The following ADGB variants were observed in gnomAD, a reference collection of about 807,000 sequenced individuals.
The protein encoded by ADGB is androglobin.
In ADGB, 172 loss-of-function variants were observed where a neutral mutation model predicts 210.5. The ratio of observed to expected loss-of-function variants is 0.82; its 90% CI spans 0.72 to 0.93. ADGB has a LOEUF of 0.93. ADGB is among the 40% of genes least tolerant of loss of function. The probability of loss-of-function intolerance (pLI) is 0.00; values close to 1 mark genes in which losing one functional copy is unlikely to be tolerated. For missense variants in ADGB, 2,025 were observed against 1,964.8 expected, an observed-to-expected ratio of 1.03 and a Z score of -0.58; for synonymous variants, 658 against 662.7, an observed-to-expected ratio of 0.99 and a Z score of 0.11.
chr6:146,684,139 C>CCTCACT (rs1438568907), intron 9 of ADGB, among the ~76,000 whole-genome samples: 12 of 151,976 alleles, frequency 7.9e-5, no homozygotes, highest in Non-Finnish European at 1.8e-4. Flanking sequence ...AGAGAGGAAC[C>CCTCACT]CTCACTCTTC....
At chr6:146,685,627 C>G in intron 9 of ADGB, 107 bp from the exon 10 acceptor site, 2 of 513,728 alleles carry the variant, frequency 3.9e-6, no homozygotes, top group Middle Eastern at 5.3e-4. Context: ...GTATTTTTCA[C>G]CAGCCCGAAG....
intron 8 of ADGB, among the ~76,000 whole-genome samples, chr6:146,674,356 G>GTT (rs893865960): frequency 6.8e-6 from 1 of 147,916 alleles, no homozygotes; most frequent in Non-Finnish European, 1.5e-5. Context: ...AGGAAAATTG[G>GTT]TTTTTTTTTT....
chr6:146,677,704 G>T (rs1431740988), intron 9 of ADGB, among the ~76,000 whole-genome samples: 1 of 152,150 alleles, frequency 6.6e-6, no homozygotes, highest in Non-Finnish European at 1.5e-5. Flanking sequence ...TACAGTTAAG[G>T]TCATTCCAAC....
chr6:146,684,958 G>T (rs2114915534), intron 9 of ADGB, among the ~76,000 whole-genome samples: 1 of 152,092 alleles, frequency 6.6e-6, no homozygotes, highest in South Asian at 2.1e-4. Flanking sequence ...GACATATACT[G>T]GGCTGACAAC....
Position 146,685,796 on chromosome 6 carries a change from T to G in ADGB, c.1279T>G (p.Phe427Val). Reference sequence around the variant, plus strand: ...TGCGACATTTACACCTCTTTATTTGTTTGAAAACAAGATCTTTTCATTAGA... The same window carrying G: ...TGCGACATTTACACCTCTTTATTTGGTTGAAAACAAGATCTTTTCATTAGA... ...VYATFTPLYL[F>V]ENKIFSLEKM... The change falls in exon 10 of 36, where the codon TTT (phenylalanine) becomes GTT (valine). Residue 427 changes from phenylalanine to valine, a missense_variant. By Grantham distance (50) the Phe-to-Val change is conservative. Coordinates refer to ENST00000397944, the MANE Select transcript of ADGB (RefSeq NM_024694.4). The G allele has an allele frequency of 6.5e-7, 1 of 1,540,754 alleles. No homozygotes were observed. Among genetic ancestry groups the G allele is most frequent in the Admixed American group, 2.0e-5 (1 of 49,244 alleles).
In ADGB at chr6:146,685,808, A is replaced by T. The variant is rs1389839245; in HGVS notation, c.1291A>T (p.Ile431Phe). 2.7e-5 allele frequency: 41 copies of T among 1,536,284 alleles called. No homozygotes were observed. Among genetic ancestry groups the T allele is most frequent in the Non-Finnish European group, 3.5e-5 (40 of 1,139,428 alleles). Residue 431 changes from isoleucine (I) to phenylalanine (F), a missense_variant, in exon 10 of 36, where the codon ATC (isoleucine) becomes TTC (phenylalanine). Ile to Phe is a conservative substitution (Grantham distance 21, BLOSUM62 0). Coordinates refer to ENST00000397944, the MANE Select transcript of ADGB (RefSeq NM_024694.4). ...FTPLYLFENK[I>F]FSLEKMADSA... ...ACCTCTTTATTTGTTTGAAAACAAG[A>T]TCTTTTCATTAGAGAAGATGGTAAG...
At chr6:146,737,428 G>A in intron 23 of ADGB, among the ~76,000 whole-genome samples, 1 of 152,106 alleles carries the variant, frequency 6.6e-6, no homozygotes, top group East Asian at 1.9e-4. Flanking sequence ...GGGACTTGTG[G>A]GGTATTCTCA....
intron 35 of ADGB, among the ~76,000 whole-genome samples, chr6:146,805,586 G>T (rs991223936): frequency 3.9e-5 from 6 of 152,150 alleles, no homozygotes; most frequent in Non-Finnish European, 7.4e-5. Flanking sequence ...TTTCCTCTCT[G>T]ATCTTTTTAT....
intron 12 of ADGB, among the ~76,000 whole-genome samples, chr6:146,696,086 T>A (rs1776398005): frequency 2.0e-5 from 3 of 152,054 alleles, no homozygotes; most frequent in Admixed American, 2.0e-4. Flanking sequence ...ACTTTTTTTT[T>A]TTTTTCCCGA....
rs768612423 is a variant in ADGB, at chr6:146,666,855, G to A, written c.792G>A (p.Thr264=). ...VADRRELGEF[T]VIHALTGWLP... is the part of the protein sequence containing the mutation. ...ACAGGAGAGAGCTGGGGGAGTTCACGGTTATTCATGCGCTCACAGGATGGT... is the reference window on the plus strand; with the variant it reads ...ACAGGAGAGAGCTGGGGGAGTTCACAGTTATTCATGCGCTCACAGGATGGT... The change falls in exon 7 of 36, where the codon ACG becomes ACA. Residue 264 remains threonine (T), a synonymous_variant. Coordinates refer to ENST00000397944, the MANE Select transcript of ADGB (RefSeq NM_024694.4). 6.5e-6 allele frequency: 10 copies of A among 1,547,846 alleles called. No homozygotes were observed. Among genetic ancestry groups the A allele is most frequent in the African/African-American group, 1.4e-5 (1 of 72,862 alleles).
At chr6:146,620,390 C>T (rs927616776) in intron 1 of ADGB, among the ~76,000 whole-genome samples, 2 of 151,862 alleles carry the variant, frequency 1.3e-5, no homozygotes, top group Admixed American at 6.6e-5. Flanking sequence ...TTCTTGTTTC[C>T]TTCAGAAATT....
Position 146,628,752 on chromosome 6 carries a change from C to T in ADGB, c.75-6623C>T, listed in dbSNP as rs186610644. ...TCGAGGCATGTCAGATGCTATTTTC[C>T]GTAAGAAGTTTCTCTGAATTGCCTC... On this transcript the variant is annotated intron_variant, in intron 1 of 35. Transcript: ENST00000397944. 3.7e-4 allele frequency among the ~76,000 whole-genome samples: 56 copies of T among 151,910 alleles called. 1 individual carries two copies. In the East Asian group the frequency reaches 9.3e-3, roughly 25 times the overall value.
At chr6:146,801,759 T>A in intron 34 of ADGB, 69 bp from the exon 35 acceptor site, 3 of 1,299,198 alleles carry the variant, frequency 2.3e-6, no homozygotes, top group Non-Finnish European at 3.1e-6. Context: ...AATTATTTGA[T>A]GTCTAAAGTG....
chr6:146,800,510 T>C (rs930499339), intron 33 of ADGB, among the ~76,000 whole-genome samples: 4 of 149,048 alleles, frequency 2.7e-5, no homozygotes, highest in African/African-American at 1.0e-4. Context: ...GAATTTTATA[T>C]GTGTAAATTA....
intron 15 of ADGB, 57 bp downstream of exon 15, chr6:146,717,126 C>T (rs1457740346): frequency 3.0e-6 from 4 of 1,326,450 alleles, no homozygotes; most frequent in Non-Finnish European, 4.1e-6. Flanking sequence ...CCCTGAGCTG[C>T]ATTAGTATAC....
rs186939956 is a variant in ADGB, at chr6:146,615,149, C to T, written c.74+16035C>T. Among the ~76,000 whole-genome samples the T allele has an allele frequency of 3.3e-5, 5 of 152,010 alleles. No individual in the cohort carries two copies. In the East Asian group the frequency reaches 9.7e-4, roughly 29 times the overall value. On this transcript the variant is annotated intron_variant, in intron 1 of 35. Coordinates refer to ENST00000397944, the MANE Select transcript of ADGB (RefSeq NM_024694.4). ...TCTCGATCTCCTGACCTCGTGATCC[C>T]CCTGCCTTGGCCTCCCAAATTGCTG...
At chr6:146,725,927 G>A (rs1001424147) in intron 18 of ADGB, 156 bp from the exon 19 acceptor site, 3 of 524,874 alleles carry the variant, frequency 5.7e-6, no homozygotes, top group Non-Finnish European at 1.0e-5. Context: ...CTTATAGAGT[G>A]CAAATTCAAA....
chr6:146,688,389 T>G (rs1776261254), intron 10 of ADGB, among the ~76,000 whole-genome samples: 1 of 152,120 alleles, frequency 6.6e-6, no homozygotes, highest in Admixed American at 6.6e-5. Context: ...AGCTGAGATC[T>G]TAAAGAAGTT....
At chr6:146,700,468 A>G (rs1776474859) in intron 12 of ADGB, among the ~76,000 whole-genome samples, 1 of 152,300 alleles carries the variant, frequency 6.6e-6, no homozygotes, top group South Asian at 2.1e-4. Flanking sequence ...AATTCTAGCG[A>G]TGGCAAGGGC....
Sources: gnomAD v4.1 joint callset for allele counts (sites outside exome capture counted in the v4.1 genomes callset) on GRCh38, gnomAD v4.1.1 for gene constraint, MANE v1.5 for transcripts, NCBI Gene and HGNC (gene_info 2026-07-23, HGNC 2026-07-21) for gene names.